Variants in SLC27A2 observed in about 807,000 individuals in gnomAD.
SLC27A2 encodes long-chain fatty acid transport protein 2.
SLC27A2 carries 54 observed loss-of-function variants against 60.0 expected under a neutral mutation model. That is an observed-to-expected ratio of 0.90 (90% CI 0.72 to 1.13). The LOEUF (loss-of-function observed/expected upper bound fraction) is 1.13. Among genes scored for constraint, SLC27A2 ranks in the 50% most tolerant of loss-of-function variants. The probability of loss-of-function intolerance (pLI) is 0.00; values close to 1 mark genes in which losing one functional copy is unlikely to be tolerated. For missense variants in SLC27A2, 739 were observed against 777.6 expected, an observed-to-expected ratio of 0.95 and a Z score of 0.59; for synonymous variants, 297 against 297.6, an observed-to-expected ratio of 1.00 and a Z score of 0.02.
At chr15:50,201,777 G>A (rs1182435290) in intron 2 of SLC27A2, among the ~76,000 whole-genome samples, 1 of 151,940 alleles carries the variant, frequency 6.6e-6, no homozygotes, top group African/African-American at 2.4e-5. Context: ...GGATGGTCTT[G>A]ATCTCCTGAC....
chr15:50,233,193 G>T (rs2045327611), intron 8 of SLC27A2, among the ~76,000 whole-genome samples: 1 of 152,102 alleles, frequency 6.6e-6, no homozygotes, highest in South Asian at 2.1e-4. Context: ...TTCACCTCCT[G>T]TCCCACATCC....
intron 1 of SLC27A2, among the ~76,000 whole-genome samples, chr15:50,184,933 GA>G (rs1199079542): frequency 1.3e-5 from 2 of 152,202 alleles, no homozygotes; most frequent in African/African-American, 4.8e-5. Context: ...CTAGCTGCCT[GA>G]GAAAAGCGAT....
chr15:50,228,465 A>G (rs2045292575), intron 7 of SLC27A2, among the ~76,000 whole-genome samples: 2 of 151,588 alleles, frequency 1.3e-5, no homozygotes, highest in Admixed American at 1.3e-4. Context: ...TTGGGCCTTA[A>G]CATTAGAATC....
In SLC27A2 at chr15:50,236,004, G is replaced by A; in HGVS notation, c.1771G>A (p.Ala591Thr). 1 of 1,614,046 alleles carries A rather than the reference G, an allele frequency of 6.2e-7. No homozygotes were observed. Among genetic ancestry groups the A allele is most frequent in the Middle Eastern group, 1.6e-4 (1 of 6,062 alleles). ...EGFNPAVIKD[A>T]LYFLDDTAKM... Reference sequence around the variant, plus strand: ...CTTTAACCCTGCTGTCATCAAAGATGCCTTGTATTTCTTGGATGACACAGC... The same window carrying A: ...CTTTAACCCTGCTGTCATCAAAGATACCTTGTATTTCTTGGATGACACAGC... The change falls in exon 10 of 10, where the codon GCC becomes ACC. Residue 591 changes from alanine (A) to threonine (T), a missense_variant. Ala to Thr is a moderately conservative substitution (Grantham distance 58). Transcript: ENST00000267842.
chr15:50,193,204 G>A (rs1567427335), intron 1 of SLC27A2, among the ~76,000 whole-genome samples: 1 of 152,166 alleles, frequency 6.6e-6, no homozygotes, highest in Non-Finnish European at 1.5e-5. Flanking sequence ...TCAGGTCTCA[G>A]TTTACAGGGC....
At chr15:50,223,477 C>T (rs551231149) in intron 5 of SLC27A2, among the ~76,000 whole-genome samples, 1 of 152,346 alleles carries the variant, frequency 6.6e-6, no homozygotes, top group Non-Finnish European at 1.5e-5. Flanking sequence ...GTAAGCTAAT[C>T]GTACACTGTG....
chr15:50,212,919 A>G (rs750790036), intron 4 of SLC27A2, among the ~76,000 whole-genome samples: 9 of 152,206 alleles, frequency 5.9e-5, no homozygotes, highest in Non-Finnish European at 8.8e-5. Context: ...GTTCACAGGC[A>G]ACAAAGAGCA....
At chr15:50,186,779 T>A (rs541482586) in intron 1 of SLC27A2, among the ~76,000 whole-genome samples, 2 of 152,366 alleles carry the variant, frequency 1.3e-5, no homozygotes, top group Non-Finnish European at 2.9e-5. Flanking sequence ...CCTAGAGGGA[T>A]GATATGAATT....
At chr15:50,203,767 T>C (rs1391358046) in intron 3 of SLC27A2, among the ~76,000 whole-genome samples, 1 of 152,056 alleles carries the variant, frequency 6.6e-6, no homozygotes, top group Admixed American at 6.6e-5. Context: ...TGGGAAGTAA[T>C]TGGGTCATGA....
chr15:50,182,519 G>A lies in SLC27A2; in HGVS notation c.92G>A (p.Gly31Asp), dbSNP rs1425258522. The A allele has an allele frequency of 6.2e-7, 1 of 1,612,388 alleles. No individual in the cohort carries two copies. Among genetic ancestry groups the A allele is most frequent in the South Asian group, 1.1e-5 (1 of 90,804 alleles). Residue 31 changes from glycine (G) to aspartate (D), a missense_variant, in exon 1 of 10, where the codon GGC becomes GAC. Gly to Asp is a moderately conservative substitution (Grantham distance 94). Coordinates refer to ENST00000267842, the MANE Select transcript of SLC27A2 (RefSeq NM_003645.4). ...LCCPYFFQDIGYFLKVAAVGR... is the reference protein window; with the variant it reads ...LCCPYFFQDIDYFLKVAAVGR... ...TGCCCATACTTCTTCCAGGACATAG[G>A]CTACTTCTTGAAGGTGGCCGCCGTG...
intron 4 of SLC27A2, among the ~76,000 whole-genome samples, chr15:50,215,546 A>G (rs141985376): frequency 5.6e-4 from 85 of 152,298 alleles, no homozygotes; most frequent in Non-Finnish European, 1.0e-3. Context: ...GAGGCATTAC[A>G]TTACCCCACT....
rs773955054 is a variant in SLC27A2 at position 50,182,687 on chromosome 15, G to A, written c.260G>A (p.Arg87His). ...ETLTYAQVDR[R>H]SNQVARALHD... is the part of the protein sequence containing the mutation. ...CTCACCTACGCGCAGGTGGACCGGC[G>A]CAGCAATCAAGTGGCCCGGGCGCTG... Residue 87 changes from arginine (R) to histidine (H), a missense_variant, in exon 1 of 10, where the codon CGC (arginine) becomes CAC (histidine). Arg to His is a conservative substitution (Grantham distance 29, BLOSUM62 0). Transcript: ENST00000267842. The A allele has an allele frequency of 3.1e-6, 5 of 1,613,802 alleles. No homozygotes were observed. In the Admixed American group the frequency reaches 6.7e-5, roughly 22 times the overall value.
intron 4 of SLC27A2, among the ~76,000 whole-genome samples, chr15:50,216,330 G>A (rs376266869): frequency 7.2e-5 from 11 of 152,002 alleles, no homozygotes; most frequent in African/African-American, 2.4e-4. Flanking sequence ...TGGATGCAGT[G>A]AACAGGGAAC....
At chr15:50,204,877 CAG>C (rs556116691) in intron 3 of SLC27A2, among the ~76,000 whole-genome samples, 15 of 147,420 alleles carry the variant, frequency 1.0e-4, no homozygotes, top group Admixed American at 2.7e-4. Context: ...ATACTTGAGA[CAG>C]AGTCTCACTC....
chr15:50,224,132 G>T (rs17507157), intron 5 of SLC27A2, among the ~76,000 whole-genome samples: 3,502 of 152,298 alleles, frequency 0.023, 58 homozygotes, highest in Non-Finnish European at 0.035. Context: ...ACTCGATAAG[G>T]GAAAAGGATT....
intron 4 of SLC27A2, among the ~76,000 whole-genome samples, chr15:50,211,385 A>G (rs1156729736): frequency 6.6e-5 from 10 of 152,144 alleles, no homozygotes; most frequent in Non-Finnish European, 7.4e-5. Flanking sequence ...AGAGACAACA[A>G]TCACTGCAGT....
intron 9 of SLC27A2, among the ~76,000 whole-genome samples, chr15:50,234,722 G>A (rs148071207): frequency 6.6e-6 from 1 of 152,080 alleles, no homozygotes; most frequent in Admixed American, 6.5e-5. Context: ...TTGCACCACT[G>A]TACTCCAGCC....
At chr15:50,183,998 T>TTTTTTTTTTTC in intron 1 of SLC27A2, among the ~76,000 whole-genome samples, 1 of 119,238 alleles carries the variant, frequency 8.4e-6, no homozygotes, top group Non-Finnish European at 1.7e-5. Context: ...CTACATCTTT[T>TTTTTTTTTTTC]TTTTTTTTTT....
intron 4 of SLC27A2, among the ~76,000 whole-genome samples, chr15:50,210,842 G>A (rs1340949430): frequency 6.6e-6 from 1 of 152,214 alleles, no homozygotes; most frequent in Non-Finnish European, 1.5e-5. Context: ...TGGAAGCTGG[G>A]TGAGGCCTGT....
Sources: gnomAD v4.1 joint callset for allele counts (sites outside exome capture counted in the v4.1 genomes callset) on GRCh38, gnomAD v4.1.1 for gene constraint, MANE v1.5 for transcripts, NCBI Gene and HGNC (gene_info 2026-07-23, HGNC 2026-07-21) for gene names.